The following ARHGAP42 variants were observed in gnomAD, a reference collection of about 807,000 sequenced individuals.
The protein encoded by ARHGAP42 is Rho GTPase activating protein 42.
In ARHGAP42, 63 loss-of-function variants were observed where a neutral mutation model predicts 125.0. That is an observed-to-expected ratio of 0.50 (90% CI 0.41 to 0.62). The LOEUF is 0.62. ARHGAP42 is among the 20% of genes least tolerant of loss of function. ARHGAP42 has a pLI of 0.00. For missense variants in ARHGAP42, 766 were observed against 1,024.2 expected (o/e 0.75, Z 3.44); for synonymous variants, 339 against 351.0 (o/e 0.97, Z 0.38).
At chr11:100,875,476 A>C (rs1387015574) in intron 4 of ARHGAP42, among the ~76,000 whole-genome samples, 2 of 152,178 alleles carry the variant, frequency 1.3e-5, no homozygotes. Flanking sequence ...CCTTGGTCAG[A>C]CATTGGCTGG....
intron 1 of ARHGAP42, among the ~76,000 whole-genome samples, chr11:100,698,091 A>G (rs921991654): frequency 2.0e-5 from 3 of 152,118 alleles, no homozygotes; most frequent in African/African-American, 7.2e-5. Context: ...GGATCTTGCT[A>G]TGCTTCCTTG....
chr11:100,815,006 C>T (rs1393438350), intron 3 of ARHGAP42, among the ~76,000 whole-genome samples: 2 of 152,236 alleles, frequency 1.3e-5, no homozygotes, highest in African/African-American at 2.4e-5. Flanking sequence ...TCATGGTGGA[C>T]ACTTCCCTTG....
At chr11:100,863,995 G>A (rs17095715) in intron 4 of ARHGAP42, among the ~76,000 whole-genome samples, 5,132 of 152,228 alleles carry the variant, frequency 0.034, 178 homozygotes, top group East Asian at 0.18. Flanking sequence ...ATAATATAGA[G>A]TGAGATGAAT....
At chr11:100,901,336 A>G (rs1866540564) in intron 4 of ARHGAP42, among the ~76,000 whole-genome samples, 1 of 152,142 alleles carries the variant, frequency 6.6e-6, no homozygotes, top group Admixed American at 6.5e-5. Context: ...CCCCTCCTGG[A>G]AGGTGTCTCC....
chr11:100,886,393 T>G (rs1005586018), intron 4 of ARHGAP42, among the ~76,000 whole-genome samples: 2 of 152,226 alleles, frequency 1.3e-5, no homozygotes, highest in African/African-American at 4.8e-5. Flanking sequence ...ATACATTTCT[T>G]TATAGAGTTG....
chr11:100,914,601 AG>A (rs1332026625), intron 5 of ARHGAP42, among the ~76,000 whole-genome samples: 2 of 152,158 alleles, frequency 1.3e-5, no homozygotes, highest in African/African-American at 4.8e-5. Flanking sequence ...CACCATTAGT[AG>A]GGAGTTGCTG....
At chr11:100,890,638 AT>A (rs1391694265) in intron 4 of ARHGAP42, among the ~76,000 whole-genome samples, 1 of 152,224 alleles carries the variant, frequency 6.6e-6, no homozygotes, top group Non-Finnish European at 1.5e-5. Context: ...ATAACTTACT[AT>A]TTCCAACAGT....
chr11:100,772,821 AAC>A (rs1444916373), intron 2 of ARHGAP42, among the ~76,000 whole-genome samples: 1 of 152,196 alleles, frequency 6.6e-6, no homozygotes, highest in Non-Finnish European at 1.5e-5. Flanking sequence ...ATATTTACGT[AAC>A]AGTTATTTTC....
chr11:100,861,614 A>T (rs1224860503), intron 4 of ARHGAP42, among the ~76,000 whole-genome samples: 1 of 152,186 alleles, frequency 6.6e-6, no homozygotes, highest in African/African-American at 2.4e-5. Flanking sequence ...AGTGGGTTAC[A>T]TACTGGAAAG....
intron 2 of ARHGAP42, among the ~76,000 whole-genome samples, chr11:100,778,986 T>G (rs1162676833): frequency 1.3e-5 from 2 of 152,194 alleles, no homozygotes; most frequent in Non-Finnish European, 2.9e-5. Context: ...CTTTGAGGTC[T>G]GAAAGTTTTA....
chr11:100,935,683 G>C (rs1489811694), intron 7 of ARHGAP42, among the ~76,000 whole-genome samples: 2 of 146,538 alleles, frequency 1.4e-5, no homozygotes, highest in African/African-American at 2.5e-5. Flanking sequence ...CACACAGAGA[G>C]AGAGAGAGAG....
intron 9 of ARHGAP42, 130 bp downstream of exon 9, chr11:100,942,014 G>C: frequency 1.4e-6 from 1 of 720,616 alleles, no homozygotes; most frequent in African/African-American, 1.9e-5. Flanking sequence ...AAGGTCAAAG[G>C]TTTTCTCTCA....
intron 2 of ARHGAP42, among the ~76,000 whole-genome samples, chr11:100,771,109 T>C (rs1450449874): frequency 2.0e-5 from 3 of 152,192 alleles, no homozygotes; most frequent in African/African-American, 7.2e-5. Flanking sequence ...TGAATATTTG[T>C]TTTTAAAGAA....
At chr11:100,750,124 C>A (rs931216195) in intron 1 of ARHGAP42, among the ~76,000 whole-genome samples, 4 of 152,110 alleles carry the variant, frequency 2.6e-5, no homozygotes, top group Admixed American at 6.5e-5. Context: ...CTGGATGAGC[C>A]CCCAAATTGT....
At chr11:100,902,337 T>A (rs1368801477) in intron 4 of ARHGAP42, among the ~76,000 whole-genome samples, 1 of 152,116 alleles carries the variant, frequency 6.6e-6, no homozygotes, top group Non-Finnish European at 1.5e-5. Context: ...TTCCATTCTT[T>A]AAGATGGGAG....
intron 23 of ARHGAP42, 58 bp from the exon 24 acceptor site, chr11:100,988,655 T>C (rs1858751376): frequency 2.9e-6 from 4 of 1,388,064 alleles, no homozygotes; most frequent in Non-Finnish European, 4.0e-6. Flanking sequence ...CCCATCTGTT[T>C]ATATAATTAT....
chr11:100,734,957 A>G (rs1468147750), intron 1 of ARHGAP42, among the ~76,000 whole-genome samples: 1 of 152,200 alleles, frequency 6.6e-6, no homozygotes, highest in African/African-American at 2.4e-5. Flanking sequence ...CAGAAGTGAA[A>G]CTGAAATGCA....
intron 4 of ARHGAP42, among the ~76,000 whole-genome samples, chr11:100,865,650 T>C (rs1865551560): frequency 6.6e-6 from 1 of 152,200 alleles, no homozygotes; most frequent in South Asian, 2.1e-4. Flanking sequence ...TCACACATAT[T>C]TTTTATTTCT....
At chr11:100,747,373 G>A (rs1862328527) in intron 1 of ARHGAP42, among the ~76,000 whole-genome samples, 2 of 152,206 alleles carry the variant, frequency 1.3e-5, no homozygotes, top group African/African-American at 2.4e-5. Context: ...TTATATTAGT[G>A]TGTTAATTTT....
Sources: gnomAD v4.1 joint callset for allele counts (sites outside exome capture counted in the v4.1 genomes callset) on GRCh38, gnomAD v4.1.1 for gene constraint, MANE v1.5 for transcripts, NCBI Gene and HGNC (gene_info 2026-07-23, HGNC 2026-07-21) for gene names.